Variants in PPIC observed in about 807,000 individuals in gnomAD.
PPIC encodes the protein peptidyl-prolyl cis-trans isomerase C.
In PPIC, 19 loss-of-function variants were observed where a neutral mutation model predicts 19.5. That is an observed-to-expected ratio of 0.98 (90% CI 0.68 to 1.43). The LOEUF (loss-of-function observed/expected upper bound fraction) is 1.43. Among genes scored for constraint, PPIC ranks in the 40% most tolerant of loss-of-function variants. PPIC has a pLI of 0.00. For synonymous variants in PPIC, 107 were observed against 101.2 expected, an observed-to-expected ratio of 1.06 and a Z score of -0.34; for missense variants, 268 against 268.6, an observed-to-expected ratio of 1.00 and a Z score of 0.02.
In PPIC at chr5:123,036,245, G is replaced by A. The variant is rs45611540; in HGVS notation, c.117+264C>T. The A allele has an allele frequency of 0.024, 12,505 of 514,394 alleles. 266 individuals carry two copies. The highest frequency in any genetic ancestry group is 0.065 in the East Asian group (1,764 of 27,200). The allele number at this position is 514,394 out of a possible 1,614,324, so 31.9% of individuals were successfully genotyped here. The stretch of plus-strand genomic sequence containing the variant: ...TCCTACCCCCAGGCTGGTCACCTCG[G>A]ACTACCGACCCGGGACAAGAAGTCC... On this transcript the variant is annotated intron_variant, in intron 1 of 4. Coordinates refer to ENST00000306442, the MANE Select transcript of PPIC (RefSeq NM_000943.5). The surrounding 1 kb of genome is among the most constrained non-coding windows in gnomAD (Gnocchi z 4.5).
chr5:123,036,702 G>C lies in PPIC; in HGVS notation c.-77C>G. On this transcript the variant is annotated 5_prime_UTR_variant, in exon 1 of 5. Coordinates refer to ENST00000306442, the MANE Select transcript of PPIC (RefSeq NM_000943.5). The surrounding 1 kb of genome is among the most constrained non-coding windows in gnomAD (Gnocchi z 4.5). The stretch of plus-strand genomic sequence containing the variant: ...GACACAGGCTCTGGGACAGCTGACG[G>C]GACTGCCGGCCGGCTGCGCCTGCGC... 1 of 1,310,820 alleles carries C rather than the reference G, an allele frequency of 7.6e-7. No homozygotes were observed. Among genetic ancestry groups the C allele is most frequent in the Non-Finnish European group, 1.0e-6 (1 of 953,120 alleles). The allele number at this position is 1,310,820 out of a possible 1,614,324, so 81.2% of individuals were successfully genotyped here. A position where few individuals can be genotyped will look rare whatever the true frequency, so the allele number is the denominator to read the frequency against.
At chr5:123,029,031 A>C (rs2150189564) in intron 2 of PPIC, 163 bp from the exon 3 acceptor site, 1 of 822,794 alleles carries the variant, frequency 1.2e-6, no homozygotes, top group East Asian at 2.7e-5. Context: ...TCATTAGCTG[A>C]CCAAAAAATA....
At position 123,036,061 on chromosome 5, in the gene PPIC, CG is replaced by C. The variant is rs1340987646; in HGVS notation, c.117+447del. ...GCCAGCGTGGAGACCACGCAGCGGG[CG>C]GGCGGCTGCAAGCCCTGGGCTCCGA... On this transcript the variant is annotated intron_variant, in intron 1 of 4. Transcript: ENST00000306442. This position sits in a 1 kb window ranked among gnomAD's most constrained non-coding sequence, Gnocchi z 4.5. Among the ~76,000 whole-genome samples, 3 of 152,176 alleles carry C rather than the reference CG, an allele frequency of 2.0e-5. No homozygotes were observed. Among genetic ancestry groups the C allele is most frequent in the African/African-American group, 7.2e-5 (3 of 41,442 alleles).
chr5:123,024,133 A>AT, intron 4 of PPIC, 130 bp from the exon 5 acceptor site: 1 of 521,086 alleles, frequency 1.9e-6, no homozygotes, highest in East Asian at 3.4e-5. Context: ...TTGGTTTTTT[A>AT]TGACTACTAA....
At chr5:123,034,177 A>G (rs1206035378) in intron 1 of PPIC, among the ~76,000 whole-genome samples, 1 of 152,230 alleles carries the variant, frequency 6.6e-6, no homozygotes, top group Non-Finnish European at 1.5e-5. Flanking sequence ...ACTTGTCTGC[A>G]CTCAGAGAAA....
chr5:123,036,263 A>C lies in PPIC; in HGVS notation c.117+246T>G, dbSNP rs577405153. 1.3e-5 allele frequency: 7 copies of C among 538,044 alleles called. No individual in the cohort carries two copies. The highest frequency in any genetic ancestry group is 2.3e-5 in the Non-Finnish European group (7 of 301,248). 33.3% of individuals were successfully genotyped at this position (538,044 alleles called of 1,614,324 possible). On this transcript the variant is annotated intron_variant, in intron 1 of 4. Coordinates refer to ENST00000306442, the MANE Select transcript of PPIC (RefSeq NM_000943.5). The surrounding 1 kb of genome is among the most constrained non-coding windows in gnomAD (Gnocchi z 4.5). ...CACCTCGGACTACCGACCCGGGACAAGAAGTCCAAGCAGACTGCGGCGGAG... is the reference window on the plus strand; with the variant it reads ...CACCTCGGACTACCGACCCGGGACACGAAGTCCAAGCAGACTGCGGCGGAG...
rs1431234627 is a variant in PPIC at position 123,023,807 on chromosome 5, A to C, written c.*68T>G. The C allele has an allele frequency of 7.7e-7, 1 of 1,293,844 alleles. No individual in the cohort carries two copies. The allele number at this position is 1,293,844 out of a possible 1,614,324, so 80.1% of individuals were successfully genotyped here. A position where few individuals can be genotyped will look rare whatever the true frequency, so the allele number is the denominator to read the frequency against. On this transcript the variant is annotated 3_prime_UTR_variant, in exon 5 of 5. Coordinates refer to ENST00000306442, the MANE Select transcript of PPIC (RefSeq NM_000943.5). Reference sequence around the variant, plus strand: ...AAAGCAAATAATTGAAAGACAACACAACACACACACACACACACACACACA... The same window carrying C: ...AAAGCAAATAATTGAAAGACAACACCACACACACACACACACACACACACA...
chr5:123,024,785 A>G (rs1377598649), intron 4 of PPIC, among the ~76,000 whole-genome samples: 1 of 152,248 alleles, frequency 6.6e-6, no homozygotes, highest in African/African-American at 2.4e-5. Flanking sequence ...TGAGGGAGGT[A>G]GAATAAGTCA....
chr5:123,029,510 C>T (rs1762916191), intron 1 of PPIC, 92 bp from the exon 2 acceptor site: 2 of 1,453,004 alleles, frequency 1.4e-6, no homozygotes, highest in Non-Finnish European at 1.8e-6. Flanking sequence ...AATTGACCCA[C>T]ATACAAAAGC....
chr5:123,028,503 A>G, intron 3 of PPIC: 1 of 347,458 alleles, frequency 2.9e-6, no homozygotes, highest in Non-Finnish European at 5.1e-6. Context: ...ACTGACTAGT[A>G]GTCTGGTATT....
intron 1 of PPIC, among the ~76,000 whole-genome samples, chr5:123,030,675 A>G (rs942630157): frequency 6.6e-6 from 1 of 152,192 alleles, no homozygotes. Context: ...AGAATGCATG[A>G]GAAGGGGCAG....
intron 4 of PPIC, 122 bp downstream of exon 4, chr5:123,025,662 G>C (rs1222284979): frequency 1.0e-6 from 1 of 999,542 alleles, no homozygotes; most frequent in Non-Finnish European, 1.5e-6. Flanking sequence ...ATTCACCTTT[G>C]AAGAGGCCAG....
At chr5:123,026,185 AT>A (rs1762850241) in intron 3 of PPIC, among the ~76,000 whole-genome samples, 1 of 152,230 alleles carries the variant, frequency 6.6e-6, no homozygotes, top group Admixed American at 6.5e-5. Context: ...AAAGCCTTAA[AT>A]ATGGCACAGG....
In PPIC at chr5:123,028,841, A is replaced by G. The variant is rs1423209315; in HGVS notation, c.259T>C (p.Phe87Leu). The change falls in exon 3 of 5, where the codon TTT becomes CTT. Residue 87 changes from phenylalanine (F) to leucine (L), a missense_variant. By Grantham distance (22) the Phe-to-Leu change is conservative. Transcript: ENST00000306442. ...ATGAAATCCTTGATGACACGATGAA[A>G]CTTGCTTCCTTTATATCCATATCCT... is the stretch of plus-strand genomic sequence containing the variant. ...EKGYGYKGSK[F>L]HRVIKDFMIQ... The G allele has an allele frequency of 1.2e-6, 2 of 1,613,046 alleles. No homozygotes were observed. Among genetic ancestry groups the G allele is most frequent in the East Asian group, 2.2e-5 (1 of 44,862 alleles).
In PPIC at chr5:123,036,400, C is replaced by T; in HGVS notation, c.117+109G>A. On this transcript the variant is annotated intron_variant, in intron 1 of 4. Transcript: ENST00000306442. This position sits in a 1 kb window ranked among gnomAD's most constrained non-coding sequence, Gnocchi z 4.5. ...CGCGGCCGCCTCCAGTCCCCCTGCGCCCGGGAAGCCTCCACCTCGCCCGCC... is the reference window on the plus strand; with the variant it reads ...CGCGGCCGCCTCCAGTCCCCCTGCGTCCGGGAAGCCTCCACCTCGCCCGCC... 9.6e-7 allele frequency: 1 copy of T among 1,040,784 alleles called. No homozygotes were observed. The highest frequency in any genetic ancestry group is 2.6e-5 in the East Asian group (1 of 38,714). 64.5% of individuals were successfully genotyped at this position (1,040,784 alleles called of 1,614,324 possible).
At chr5:123,026,012 G>C (rs753433436) in intron 3 of PPIC, 44 bp from the exon 4 acceptor site, 4 of 1,519,108 alleles carry the variant, frequency 2.6e-6, no homozygotes, top group Middle Eastern at 1.8e-4. Context: ...TCTTCCAAAA[G>C]TCAGCTCTTC....
At position 123,024,013 on chromosome 5, in the gene PPIC, G is replaced by C; in HGVS notation, c.511-10C>G. 6.2e-7 allele frequency: 1 copy of C among 1,610,974 alleles called. No individual in the cohort carries two copies. The highest frequency in any genetic ancestry group is 8.5e-7 in the Non-Finnish European group (1 of 1,178,364). ...TGGAGTGCACCACTGTCTGGTGAGAGAAAAGTAGACACATGGTTTAATTCT... is the reference window on the plus strand; with the variant it reads ...TGGAGTGCACCACTGTCTGGTGAGACAAAAGTAGACACATGGTTTAATTCT... On this transcript the variant is annotated splice_polypyrimidine_tract_variant and intron_variant, in intron 4 of 4. Coordinates refer to ENST00000306442, the MANE Select transcript of PPIC (RefSeq NM_000943.5).
chr5:123,023,551 C>T lies in PPIC; in HGVS notation c.*324G>A. On this transcript the variant is annotated 3_prime_UTR_variant, in exon 5 of 5. Transcript: ENST00000306442. ...GTTTCAGATAAATGTTCAGCATTAC[C>T]CAATATGGGGATCATAATGAATTCA... is the stretch of plus-strand genomic sequence containing the variant. 1 of 173,194 alleles carries T rather than the reference C, an allele frequency of 5.8e-6. No individual in the cohort carries two copies. Among genetic ancestry groups the T allele is most frequent in the Admixed American group, 6.1e-5 (1 of 16,502 alleles). The allele number at this position is 173,194 out of a possible 1,614,324, so 10.7% of individuals were successfully genotyped here.
rs1366890308 is a variant in PPIC at position 123,036,208 on chromosome 5, T to G, written c.117+301A>C. ...TTTCCTGGAGAACGGGCCCGCCGGT[T>G]CCGGAAGCCTCTCCTACCCCCAGGC... On this transcript the variant is annotated intron_variant, in intron 1 of 4. Transcript: ENST00000306442. This position sits in a 1 kb window ranked among gnomAD's most constrained non-coding sequence, Gnocchi z 4.5. The G allele has an allele frequency of 1.2e-5, 5 of 417,334 alleles. No individual in the cohort carries two copies. Among genetic ancestry groups the G allele is most frequent in the African/African-American group, 4.3e-5 (2 of 46,376 alleles). The allele number at this position is 417,334 out of a possible 1,614,324, so 25.9% of individuals were successfully genotyped here.
Sources: allele counts gnomAD v4.1 joint callset (sites outside exome capture counted in the v4.1 genomes callset), GRCh38; gene constraint gnomAD v4.1.1; non-coding constraint Gnocchi (gnomAD v3.1); transcripts MANE v1.5; gene names NCBI Gene and HGNC (gene_info 2026-07-23, HGNC 2026-07-21).